Variants in GRIK2 observed in about 807,000 individuals in gnomAD.
GRIK2 encodes glutamate receptor ionotropic, kainate 2.
GRIK2 carries 32 observed loss-of-function variants against 100.3 expected under a neutral mutation model. That is an observed-to-expected ratio of 0.32 (90% CI 0.24 to 0.43). The LOEUF (loss-of-function observed/expected upper bound fraction) is 0.43, where lower values mean the gene tolerates loss of function less well. Ranked by LOEUF, GRIK2 falls within the 20% of genes least tolerant of loss-of-function variation. The pLI, the probability that GRIK2 is intolerant of heterozygous loss-of-function variation, is 1.00. For synonymous variants in GRIK2, 417 were observed against 389.4 expected (o/e 1.07, Z -0.83); for missense variants, 843 against 1,114.9 (o/e 0.76, Z 3.47).
intron 14 of GRIK2, among the ~76,000 whole-genome samples, chr6:102,005,806 C>CTT (rs1795189125): frequency 2.0e-5 from 3 of 151,994 alleles, no homozygotes; most frequent in Non-Finnish European, 4.4e-5. Flanking sequence ...GTAACTGAAA[C>CTT]AATAGATATT....
At chr6:101,479,955 C>A (rs571499292) in intron 2 of GRIK2, among the ~76,000 whole-genome samples, 2 of 152,164 alleles carry the variant, frequency 1.3e-5, no homozygotes, top group South Asian at 4.2e-4. Context: ...AAGAGTGGGA[C>A]TTGTCAACTC....
At chr6:101,815,726 C>G (rs572912262) in intron 9 of GRIK2, among the ~76,000 whole-genome samples, 15 of 151,948 alleles carry the variant, frequency 9.9e-5, no homozygotes, top group Middle Eastern at 3.4e-3. Flanking sequence ...TGTTTTTTGC[C>G]ATTAAAACAA....
intron 4 of GRIK2, among the ~76,000 whole-genome samples, chr6:101,676,020 G>C (rs183196123): frequency 2.0e-5 from 3 of 152,110 alleles, no homozygotes; most frequent in African/African-American, 7.2e-5. Context: ...AATTAGGTGC[G>C]TGATAAAACA....
In GRIK2 at chr6:101,761,630, A is replaced by C. The variant is rs1777676000; in HGVS notation, c.952-38018A>C. On this transcript the variant is annotated intron_variant, in intron 7 of 16. Transcript: ENST00000369134. ...ACTATCTTACACAATAATTCACTAAAATAGGACCTTAAGGTATTTTGCCTT... is the reference window on the plus strand; with the variant it reads ...ACTATCTTACACAATAATTCACTAACATAGGACCTTAAGGTATTTTGCCTT... Among the ~76,000 whole-genome samples, 2 of 152,134 alleles carry C rather than the reference A, an allele frequency of 1.3e-5. 1 individual carries two copies. Among genetic ancestry groups the C allele is most frequent in the South Asian group, 4.1e-4 (2 of 4,826 alleles).
chr6:101,874,931 T>A (rs1785714241), intron 11 of GRIK2, among the ~76,000 whole-genome samples: 1 of 152,132 alleles, frequency 6.6e-6, no homozygotes, highest in African/African-American at 2.4e-5. Context: ...TGCTTGTGAT[T>A]TTTGCACATT....
At chr6:101,547,272 G>A (rs956382341) in intron 2 of GRIK2, among the ~76,000 whole-genome samples, 2 of 152,100 alleles carry the variant, frequency 1.3e-5, no homozygotes, top group African/African-American at 4.8e-5. Flanking sequence ...TACGCAAATT[G>A]CGAACCTATA....
At chr6:102,041,350 A>G (rs1157136764) in intron 15 of GRIK2, among the ~76,000 whole-genome samples, 3 of 151,674 alleles carry the variant, frequency 2.0e-5, no homozygotes, top group Non-Finnish European at 4.4e-5. Context: ...CATGGCTTCA[A>G]ATTTTACTTT....
At chr6:102,013,812 G>T (rs1206018878) in intron 14 of GRIK2, among the ~76,000 whole-genome samples, 1 of 152,060 alleles carries the variant, frequency 6.6e-6, no homozygotes, top group Non-Finnish European at 1.5e-5. Flanking sequence ...TTTTTGATGT[G>T]CTGCTAGATT....
chr6:101,922,495 GT>G (rs1238134026), intron 12 of GRIK2, among the ~76,000 whole-genome samples: 1 of 152,160 alleles, frequency 6.6e-6, no homozygotes, highest in Non-Finnish European at 1.5e-5. Context: ...GGAAAAATAT[GT>G]TTTAATTATC....
intron 12 of GRIK2, among the ~76,000 whole-genome samples, chr6:101,909,484 G>A (rs1788507575): frequency 6.8e-6 from 1 of 147,694 alleles, no homozygotes; most frequent in Non-Finnish European, 1.5e-5. Context: ...AGATAGTCAA[G>A]CTTGAGATGA....
At chr6:101,831,510 T>C (rs1782693428) in intron 10 of GRIK2, among the ~76,000 whole-genome samples, 1 of 152,136 alleles carries the variant, frequency 6.6e-6, no homozygotes, top group Non-Finnish European at 1.5e-5. Context: ...AATTGAAAGA[T>C]GGACTCAGAC....
intron 2 of GRIK2, among the ~76,000 whole-genome samples, chr6:101,552,854 A>G (rs1368614354): frequency 6.6e-6 from 1 of 152,220 alleles, no homozygotes; most frequent in Non-Finnish European, 1.5e-5. Context: ...TGGTTTTTAA[A>G]GATGATCAAT....
chr6:101,803,537 C>A (rs1780803453), intron 9 of GRIK2, among the ~76,000 whole-genome samples: 1 of 151,846 alleles, frequency 6.6e-6, no homozygotes, highest in Non-Finnish European at 1.5e-5. Context: ...GAGACAGTCC[C>A]TTCCTAACTG....
At chr6:101,762,168 G>GTC (rs372643035) in intron 7 of GRIK2, among the ~76,000 whole-genome samples, 1,357 of 121,856 alleles carry the variant, frequency 0.011, 27 homozygotes, top group African/African-American at 0.026. Flanking sequence ...CTCTGTCTCT[G>GTC]TCTCTCTCTC....
intron 14 of GRIK2, among the ~76,000 whole-genome samples, chr6:102,016,475 C>T (rs539532451): frequency 7.7e-4 from 116 of 151,460 alleles, no homozygotes; most frequent in African/African-American, 1.1e-3. Context: ...CACATGTATA[C>T]ATATGTAACT....
At chr6:101,427,888 G>A (rs555091612) in intron 2 of GRIK2, among the ~76,000 whole-genome samples, 13 of 152,298 alleles carry the variant, frequency 8.5e-5, no homozygotes, top group Non-Finnish European at 1.6e-4. Context: ...TCTCTGTGAT[G>A]TAAAATTTCT....
At chr6:102,018,949 A>C (rs75833775) in intron 14 of GRIK2, among the ~76,000 whole-genome samples, 1 of 81,450 alleles carries the variant, frequency 1.2e-5, no homozygotes, top group Non-Finnish European at 3.1e-5. Flanking sequence ...CTTTTGTTTA[A>C]AATAAATTTT....
At chr6:101,944,762 G>T (rs1400577763) in intron 14 of GRIK2, among the ~76,000 whole-genome samples, 1 of 151,950 alleles carries the variant, frequency 6.6e-6, no homozygotes, top group African/African-American at 2.4e-5. Flanking sequence ...GTCAATAAAA[G>T]TGATTTTTCA....
chr6:101,661,585 AACCCAGG>A (rs1331940540), intron 4 of GRIK2, among the ~76,000 whole-genome samples: 1 of 151,800 alleles, frequency 6.6e-6, no homozygotes, highest in Non-Finnish European at 1.5e-5. Flanking sequence ...TTGTGCTTGA[AACCCAGG>A]GCCCTGGTGG....
Sources: allele counts gnomAD v4.1 joint callset (sites outside exome capture counted in the v4.1 genomes callset), GRCh38; gene constraint gnomAD v4.1.1; transcripts MANE v1.5; gene names NCBI Gene and HGNC (gene_info 2026-07-23, HGNC 2026-07-21).